Variants in OR9K2 observed in about 807,000 individuals in gnomAD.
OR9K2 encodes olfactory receptor family 9 subfamily K member 2, also known as olfactory receptor 9K2.
OR9K2 carries 16 observed loss-of-function variants against 12.4 expected under a neutral mutation model. The ratio of observed to expected loss-of-function variants is 1.29; its 90% CI spans 0.87 to 1.95. OR9K2 has a LOEUF of 1.95. Ranked by LOEUF, OR9K2 falls within the 30% of genes most tolerant of loss-of-function variation. The probability of loss-of-function intolerance (pLI) is 0.00; values close to 1 mark genes in which losing one functional copy is unlikely to be tolerated. For missense variants in OR9K2, 434 were observed against 376.5 expected (o/e 1.15, Z -1.26); for synonymous variants, 133 against 133.2 (o/e 1.00, Z 0.01).
In OR9K2 at chr12:55,130,146, C is replaced by G. The variant is rs762038350; in HGVS notation, c.312C>G (p.Leu104=). Residue 104 remains leucine, a synonymous_variant, in exon 3 of 3, where the codon CTC becomes CTG. Transcript: ENST00000641329. ...CCTTTGCAGGCTGTGTGGCCCAGCT[C>G]TTTCTCTTTGCCCTCCTCATTGTGA... ...SISFAGCVAQ[L]FLFALLIVTE... is the part of the protein sequence containing the mutation. The G allele has an allele frequency of 1.1e-5, 18 of 1,614,012 alleles. No homozygotes were observed. The Admixed American group carries it at 1.2e-4, about 10-fold the overall frequency.
intron 2 of OR9K2, chr12:55,129,579 G>C (rs1953453538): frequency 1.8e-6 from 1 of 559,904 alleles, no homozygotes; most frequent in Non-Finnish European, 3.1e-6. Flanking sequence ...TGGGTAGAAA[G>C]GCATTGTATT....
chr12:55,128,934 A>G (rs568348836), intron 2 of OR9K2, among the ~76,000 whole-genome samples: 11 of 152,240 alleles, frequency 7.2e-5, no homozygotes, highest in African/African-American at 2.4e-4. Context: ...CATAGAGGGG[A>G]AAAACACACA....
chr12:55,129,886 G>A lies in OR9K2; in HGVS notation c.52G>A (p.Ala18Thr). The A allele has an allele frequency of 6.2e-7, 1 of 1,613,972 alleles. No individual in the cohort carries two copies. The highest frequency in any genetic ancestry group is 8.5e-7 in the Non-Finnish European group (1 of 1,179,936). ...NHSEMTDFIL[A>T]GFRVRPELHI... ...CTCAGAAATGACTGACTTCATTCTT[G>A]CAGGCTTCAGGGTACGCCCAGAGCT... Residue 18 changes from alanine (A) to threonine (T), a missense_variant, in exon 3 of 3, where the codon GCA (alanine) becomes ACA (threonine). Transcript: ENST00000641329.
rs1953476402 is a variant in OR9K2 at position 55,131,938 on chromosome 12, C to T, written c.*1162C>T. ...GATTTTTTAAACTGCAGGTAAAAGA[C>T]CCAAAATATATTAACTGACTAGTAT... On this transcript the variant is annotated 3_prime_UTR_variant, in exon 3 of 3. Coordinates refer to ENST00000641329, the MANE Select transcript of OR9K2 (RefSeq NM_001005243.2). 1 of 151,968 alleles carries T rather than the reference C, an allele frequency of 6.6e-6. No homozygotes were observed. 9.4% of individuals were successfully genotyped at this position (151,968 alleles called of 1,614,324 possible). A position where few individuals can be genotyped will look rare whatever the true frequency, so the allele number is the denominator to read the frequency against.
chr12:55,127,381 A>G (rs1219163021), intron 2 of OR9K2, among the ~76,000 whole-genome samples: 1 of 151,866 alleles, frequency 6.6e-6, no homozygotes, highest in Non-Finnish European at 1.5e-5. Flanking sequence ...TAAATTATAT[A>G]TATTATTTTT....
At position 55,129,982 on chromosome 12, in the gene OR9K2, A is replaced by T. The variant is rs1275857474; in HGVS notation, c.148A>T (p.Thr50Ser). 1 of 1,613,952 alleles carries T rather than the reference A, an allele frequency of 6.2e-7. No individual in the cohort carries two copies. Among genetic ancestry groups the T allele is most frequent in the Non-Finnish European group, 8.5e-7 (1 of 1,179,944 alleles). Residue 50 changes from threonine (T) to serine (S), a missense_variant, in exon 3 of 3, where the codon ACC becomes TCC. Coordinates refer to ENST00000641329, the MANE Select transcript of OR9K2 (RefSeq NM_001005243.2). ...CCTTCTAGGGAATGTTGGGATGATG[A>T]CCATTATTATGACTGATCCTCGGCT... ...MILLGNVGMM[T>S]IIMTDPRLNT...
rs753036122 is a variant in OR9K2 at position 55,129,915 on chromosome 12, C to T, written c.81C>T (p.His27=). 1.2e-6 allele frequency: 2 copies of T among 1,614,050 alleles called. No individual in the cohort carries two copies. The highest frequency in any genetic ancestry group is 1.1e-5 in the South Asian group (1 of 91,074). ...GCTTCAGGGTACGCCCAGAGCTCCA[C>T]ATTCTCCTCTTCCTGCTATTTTTGT... The part of the protein sequence containing the change: ...LAGFRVRPEL[H]ILLFLLFLFV... The change falls in exon 3 of 3, where the codon CAC becomes CAT. Residue 27 remains histidine (H), a synonymous_variant. Transcript: ENST00000641329.
chr12:55,130,632 C>G lies in OR9K2; in HGVS notation c.798C>G (p.Asp266Glu). The change falls in exon 3 of 3, where the codon GAC (aspartate) becomes GAG (glutamate). Residue 266 changes from aspartate to glutamate, a missense_variant. Asp to Glu is a conservative substitution (Grantham distance 45, BLOSUM62 2). Transcript: ENST00000641329. ...TCTTTTTTATGTATCTCACTCCTGA[C>G]AGATTTCCTGAGCTGAGTAAAGTGG... Reference protein sequence around the residue: ...GAVFFMYLTPDRFPELSKVAS... With the variant: ...GAVFFMYLTPERFPELSKVAS... 7 of 1,613,908 alleles carry G rather than the reference C, an allele frequency of 4.3e-6. No individual in the cohort carries two copies. Among genetic ancestry groups the G allele is most frequent in the Non-Finnish European group, 5.9e-6 (7 of 1,179,870 alleles).
At chr12:55,129,363 A>T (rs1953451516) in intron 2 of OR9K2, among the ~76,000 whole-genome samples, 1 of 151,736 alleles carries the variant, frequency 6.6e-6, no homozygotes, top group East Asian at 1.9e-4. Flanking sequence ...ATTTGTTGGT[A>T]CTCCAAATTA....
intron 2 of OR9K2, 49 bp from the exon 3 acceptor site, chr12:55,129,777 A>C (rs773274383): frequency 6.2e-7 from 1 of 1,601,062 alleles, no homozygotes; most frequent in Non-Finnish European, 8.5e-7. Flanking sequence ...TAATGCTAGG[A>C]TCCAAACCAA....
In OR9K2 at chr12:55,130,080, C is replaced by T. The variant is rs762280846; in HGVS notation, c.246C>T (p.Pro82=). 3 of 1,612,692 alleles carry T rather than the reference C, an allele frequency of 1.9e-6. No individual in the cohort carries two copies. In the South Asian group the frequency reaches 3.3e-5, roughly 18 times the overall value. The stretch of plus-strand genomic sequence containing the variant: ...TTTTCTATTCATCTGTTATTGAACC[C>T]AAGGCTATGATCAACTTCTGGTCTG... ...IDLFYSSVIE[P]KAMINFWSEN... is the part of the protein sequence containing the mutation. Residue 82 remains proline (P), a synonymous_variant, in exon 3 of 3, where the codon CCC becomes CCT. Coordinates refer to ENST00000641329, the MANE Select transcript of OR9K2 (RefSeq NM_001005243.2).
rs1362829075 is a variant in OR9K2, at chr12:55,130,007, T to G, written c.173T>G (p.Leu58Arg). Residue 58 changes from leucine (L) to arginine (R), a missense_variant, in exon 3 of 3, where the codon CTG becomes CGG. Physicochemically the swap from Leu to Arg is moderately radical, Grantham distance 102 (BLOSUM62 -2). Transcript: ENST00000641329. ...ACCATTATTATGACTGATCCTCGGC[T>G]GAACACACCAATGTATTTTTTCCTA... is the stretch of plus-strand genomic sequence containing the variant. The part of the protein sequence containing the change: ...MMTIIMTDPR[L>R]NTPMYFFLGN... The G allele has an allele frequency of 6.2e-6, 10 of 1,613,726 alleles. No individual in the cohort carries two copies. The highest frequency in any genetic ancestry group is 5.0e-5 in the Admixed American group (3 of 59,996).
rs1953483651 is a variant in OR9K2, at chr12:55,132,697, A to G, written c.*1921A>G. ...GTCTATAAATTGGAAAAGAAGAGAA[A>G]ACGTTCCTTGTTTGCAGATAACATA... On this transcript the variant is annotated 3_prime_UTR_variant, in exon 3 of 3. Coordinates refer to ENST00000641329, the MANE Select transcript of OR9K2 (RefSeq NM_001005243.2). 6.6e-6 allele frequency: 1 copy of G among 152,236 alleles called. No individual in the cohort carries two copies. The highest frequency in any genetic ancestry group is 1.5e-5 in the Non-Finnish European group (1 of 68,044). The allele number at this position is 152,236 out of a possible 1,614,324, so 9.4% of individuals were successfully genotyped here. A position where few individuals can be genotyped will look rare whatever the true frequency, so the allele number is the denominator to read the frequency against.
chr12:55,126,861 C>T lies in OR9K2; in HGVS notation c.-60C>T, dbSNP rs1953432480. The T allele has an allele frequency of 6.6e-6, 1 of 151,984 alleles. No individual in the cohort carries two copies. Among genetic ancestry groups the T allele is most frequent in the Non-Finnish European group, 1.5e-5 (1 of 67,948 alleles). 9.4% of individuals were successfully genotyped at this position (151,984 alleles called of 1,614,324 possible). Reference sequence around the variant, plus strand: ...CAATAAACAGAGGAAAACATTGGAACTCTGCTGATTGATTTTTACCAGAAT... The same window carrying T: ...CAATAAACAGAGGAAAACATTGGAATTCTGCTGATTGATTTTTACCAGAAT... On this transcript the variant is annotated 5_prime_UTR_variant, in exon 2 of 3. Transcript: ENST00000641329.
At position 55,132,315 on chromosome 12, in the gene OR9K2, C is replaced by T. The variant is rs900779737; in HGVS notation, c.*1539C>T. 1 of 152,102 alleles carries T rather than the reference C, an allele frequency of 6.6e-6. No homozygotes were observed. Among genetic ancestry groups the T allele is most frequent in the South Asian group, 2.1e-4 (1 of 4,834 alleles). 9.4% of individuals were successfully genotyped at this position (152,102 alleles called of 1,614,324 possible). On this transcript the variant is annotated 3_prime_UTR_variant, in exon 3 of 3. Coordinates refer to ENST00000641329, the MANE Select transcript of OR9K2 (RefSeq NM_001005243.2). Reference sequence around the variant, plus strand: ...AATTCATGTGTTGAAGCCCTAAACCCTAGTACTTCAGAATGTGACTTTAAT... The same window carrying T: ...AATTCATGTGTTGAAGCCCTAAACCTTAGTACTTCAGAATGTGACTTTAAT...
rs1335723560 is a variant in OR9K2 at position 55,130,585 on chromosome 12, G to A, written c.751G>A (p.Val251Met). 6.2e-7 allele frequency: 1 copy of A among 1,613,810 alleles called. No homozygotes were observed. Among genetic ancestry groups the A allele is most frequent in the African/African-American group, 1.3e-5 (1 of 74,896 alleles). Residue 251 changes from valine to methionine, a missense_variant, in exon 3 of 3, where the codon GTG becomes ATG. By Grantham distance (21) the Val-to-Met change is conservative. Coordinates refer to ENST00000641329, the MANE Select transcript of OR9K2 (RefSeq NM_001005243.2). ...FSTCSSHLGVVSVLYGAVFFM... is the reference protein window; with the variant it reads ...FSTCSSHLGVMSVLYGAVFFM... ...CACCTGCAGCTCTCACCTGGGAGTT[G>A]TGAGTGTGCTGTATGGTGCTGTCTT...
Position 55,127,423 on chromosome 12 carries a change from A to C in OR9K2, c.-10+512A>C, listed in dbSNP as rs921973456. Among the ~76,000 whole-genome samples the C allele has an allele frequency of 2.0e-5, 3 of 152,088 alleles. No individual in the cohort carries two copies. In the East Asian group the frequency reaches 5.8e-4, roughly 29 times the overall value. On this transcript the variant is annotated intron_variant, in intron 2 of 2. Coordinates refer to ENST00000641329, the MANE Select transcript of OR9K2 (RefSeq NM_001005243.2). Reference sequence around the variant, plus strand: ...ATGATTTTTCATGCTGACTTCAGTCAGCTTTCTTTCACTTCTTAAATGTCT... The same window carrying C: ...ATGATTTTTCATGCTGACTTCAGTCCGCTTTCTTTCACTTCTTAAATGTCT...
rs1953428732 is a variant in OR9K2 at position 55,126,440 on chromosome 12, A to G, written c.-170A>G. 1 of 152,176 alleles carries G rather than the reference A, an allele frequency of 6.6e-6. No individual in the cohort carries two copies. Among genetic ancestry groups the G allele is most frequent in the Admixed American group, 6.6e-5 (1 of 15,256 alleles). 9.4% of individuals were successfully genotyped at this position (152,176 alleles called of 1,614,324 possible). On this transcript the variant is annotated 5_prime_UTR_variant, in exon 1 of 3. Transcript: ENST00000641329. ...GACCTCTACTTGCATATCCATGGCA[A>G]TCTATCCTCTTGCCTTGAAAGCATA...
Position 55,132,479 on chromosome 12 carries a change from A to G in OR9K2, c.*1703A>G, listed in dbSNP as rs1211577629. The G allele has an allele frequency of 4.6e-5, 7 of 152,282 alleles. No individual in the cohort carries two copies. Among genetic ancestry groups the G allele is most frequent in the African/African-American group, 9.6e-5 (4 of 41,472 alleles). The allele number at this position is 152,282 out of a possible 1,614,324, so 9.4% of individuals were successfully genotyped here. A position where few individuals can be genotyped will look rare whatever the true frequency, so the allele number is the denominator to read the frequency against. On this transcript the variant is annotated 3_prime_UTR_variant, in exon 3 of 3. Transcript: ENST00000641329. ...CACCAGGGGTGCATGTGCACAGAAC[A>G]TCAGTCATGTGAAGAATCAACAAGA...
Sources: gnomAD v4.1 joint callset for allele counts (sites outside exome capture counted in the v4.1 genomes callset) on GRCh38, gnomAD v4.1.1 for gene constraint, MANE v1.5 for transcripts, NCBI Gene and HGNC (gene_info 2026-07-23, HGNC 2026-07-21) for gene names.